The following TRIM9 variants were observed in gnomAD, a reference collection of about 807,000 sequenced individuals.
TRIM9 encodes the protein E3 ubiquitin-protein ligase TRIM9.
TRIM9 carries 26 observed loss-of-function variants against 78.3 expected under a neutral mutation model. That is an observed-to-expected ratio of 0.33 (90% confidence interval 0.24 to 0.46). The LOEUF (loss-of-function observed/expected upper bound fraction) is 0.46, where lower values mean the gene tolerates loss of function less well. Among genes scored for constraint, TRIM9 ranks in the 20% least tolerant of loss-of-function variants. The pLI is 1.00. For missense variants in TRIM9, 787 were observed against 1,036.4 expected (o/e 0.76, Z 3.30); for synonymous variants, 398 against 416.5 (o/e 0.96, Z 0.54).
chr14:51,007,803 A>G (rs1273839568), intron 5 of TRIM9, among the ~76,000 whole-genome samples: 1 of 59,526 alleles, frequency 1.7e-5, no homozygotes, highest in Non-Finnish European at 4.3e-5. Context: ...ATTAAACCAA[A>G]AAAAAAAAAA....
At chr14:51,012,214 A>G (rs144776219) in intron 3 of TRIM9, among the ~76,000 whole-genome samples, 1 of 152,304 alleles carries the variant, frequency 6.6e-6, no homozygotes, top group Non-Finnish European at 1.5e-5. Flanking sequence ...CTCTAAACCC[A>G]TTAAACAACA....
chr14:51,094,318 G>T lies in TRIM9; in HGVS notation c.622C>A (p.Arg208Ser). The part of the protein sequence containing the change: ...HPPRGPLAKH[R>S]LVPPAQGRVS... ...CGACCCTGGGCCGGGGGCACCAGGCGGTGCTTGGCTAGGGGCCCCCGGGGC... is the reference window on the plus strand; with the variant it reads ...CGACCCTGGGCCGGGGGCACCAGGCTGTGCTTGGCTAGGGGCCCCCGGGGC... The change falls in exon 1 of 13, where the codon CGC becomes AGC. Residue 208 changes from arginine to serine, a missense_variant. Arg to Ser is a moderately radical substitution (Grantham distance 110). Transcript: ENST00000684578. 1 of 1,613,644 alleles carries T rather than the reference G, an allele frequency of 6.2e-7. No individual in the cohort carries two copies. The highest frequency in any genetic ancestry group is 8.5e-7 in the Non-Finnish European group (1 of 1,179,810).
chr14:51,074,526 TG>T (rs2062583632), intron 1 of TRIM9, among the ~76,000 whole-genome samples: 1 of 152,202 alleles, frequency 6.6e-6, no homozygotes, highest in South Asian at 2.1e-4. Context: ...TTACCCATTT[TG>T]TTTTCACCTT....
chr14:51,022,553 A>G lies in TRIM9; in HGVS notation c.1041+282T>C, dbSNP rs767604777. On this transcript the variant is annotated intron_variant, in intron 3 of 12. Transcript: ENST00000684578. ...TATTATTTGTCCCTCTTGATAGAAT[A>G]TAAGTCCCATGAAGGCAAGAATTTT... 5.9e-5 allele frequency among the ~76,000 whole-genome samples: 9 copies of G among 152,240 alleles called. No homozygotes were observed. In the South Asian group the frequency reaches 6.2e-4, roughly 11 times the overall value.
intron 1 of TRIM9, among the ~76,000 whole-genome samples, chr14:51,080,919 A>G (rs1304908354): frequency 6.6e-6 from 1 of 152,162 alleles, no homozygotes; most frequent in Non-Finnish European, 1.5e-5. Flanking sequence ...GTCAAAGCCA[A>G]TCTAGATGGA....
intron 4 of TRIM9, among the ~76,000 whole-genome samples, chr14:51,009,697 C>G (rs936410127): frequency 2.6e-5 from 4 of 152,214 alleles, no homozygotes; most frequent in Non-Finnish European, 4.4e-5. Flanking sequence ...TTAAGCACAT[C>G]ATCTTCATGT....
chr14:50,977,343 T>C lies in TRIM9; in HGVS notation c.2336A>G (p.His779Arg). The C allele has an allele frequency of 1.3e-6, 2 of 1,548,858 alleles. No individual in the cohort carries two copies. Among genetic ancestry groups the C allele is most frequent in the Non-Finnish European group, 1.7e-6 (2 of 1,144,634 alleles). ...GAAGTCGGGGACTGGGAGCCCGGTG[T>C]GCAGCGTGACCTGGGGAATGAGACT... ...SLNRNVQVTL[H>R]TGLPVPDFYS... Residue 779 changes from histidine to arginine, a missense_variant, in exon 13 of 13, where the codon CAC (histidine) becomes CGC (arginine). By Grantham distance (29) the His-to-Arg change is conservative (BLOSUM62 0). Transcript: ENST00000684578.
chr14:50,992,873 G>C (rs2053701501), intron 7 of TRIM9, among the ~76,000 whole-genome samples: 1 of 152,174 alleles, frequency 6.6e-6, no homozygotes, highest in African/African-American at 2.4e-5. Context: ...GTAGTTTCAA[G>C]AATCCCAACC....
Position 51,000,776 on chromosome 14 carries a change from G to A in TRIM9, c.1371C>T (p.Ser457=), listed in dbSNP as rs544784389. The change falls in exon 6 of 13, where the codon AGC becomes AGT. Residue 457 remains serine, a synonymous_variant. Transcript: ENST00000684578. ...GTGGCTGTTTCCAGGACAACGTAGC[G>A]CTGTTGTTGTGGGTACAACATTCCT... is the stretch of plus-strand genomic sequence containing the variant. ...QLEECCTHNN[S]ATLSWKQPPL... is the part of the protein sequence containing the mutation. 9.3e-6 allele frequency: 15 copies of A among 1,614,228 alleles called. No individual in the cohort carries two copies. In the East Asian group the frequency reaches 1.8e-4, roughly 19 times the overall value.
At position 50,990,954 on chromosome 14, in the gene TRIM9, C is replaced by T. The variant is rs541448271; in HGVS notation, c.1604-4810G>A. Among the ~76,000 whole-genome samples the T allele has an allele frequency of 2.0e-5, 3 of 152,312 alleles. No individual in the cohort carries two copies. In the East Asian group the frequency reaches 5.8e-4, roughly 29 times the overall value. On this transcript the variant is annotated intron_variant, in intron 7 of 12. Transcript: ENST00000684578. ...CAGCCAAAGTCACAATTATGTCCAA[C>T]TGGTACATAATTTATAATAAAAGGT...
intron 1 of TRIM9, among the ~76,000 whole-genome samples, chr14:51,030,806 G>A (rs142656008): frequency 1.1e-3 from 167 of 152,214 alleles, no homozygotes; most frequent in African/African-American, 3.5e-3. Flanking sequence ...AATCTTATGG[G>A]TAGGGATTTG....
intron 1 of TRIM9, among the ~76,000 whole-genome samples, chr14:51,070,627 A>G (rs1157693925): frequency 6.6e-6 from 1 of 151,844 alleles, no homozygotes; most frequent in African/African-American, 2.4e-5. Flanking sequence ...TGAGTGTCAT[A>G]TTGGTGCTCA....
At chr14:51,007,183 A>G (rs530848897) in intron 5 of TRIM9, among the ~76,000 whole-genome samples, 29 of 152,272 alleles carry the variant, frequency 1.9e-4, no homozygotes, top group African/African-American at 5.5e-4. Flanking sequence ...CTCTTTCACC[A>G]AAAGCCTTTC....
At chr14:51,077,170 T>C (rs970888845) in intron 1 of TRIM9, among the ~76,000 whole-genome samples, 1 of 152,188 alleles carries the variant, frequency 6.6e-6, no homozygotes, top group Non-Finnish European at 1.5e-5. Context: ...ATGCTTGTCA[T>C]CCTTTGCAGT....
chr14:51,063,056 G>A (rs1294971167), intron 1 of TRIM9, among the ~76,000 whole-genome samples: 1 of 152,064 alleles, frequency 6.6e-6, no homozygotes, highest in Admixed American at 6.6e-5. Flanking sequence ...GGAATTAGCA[G>A]GGAAAGGCCT....
At chr14:51,076,184 T>C (rs2062766747) in intron 1 of TRIM9, among the ~76,000 whole-genome samples, 2 of 152,218 alleles carry the variant, frequency 1.3e-5, no homozygotes, top group South Asian at 4.1e-4. Context: ...GATAAATAAC[T>C]TACCAAAGAC....
intron 1 of TRIM9, among the ~76,000 whole-genome samples, chr14:51,077,345 G>C (rs556801918): frequency 6.8e-6 from 1 of 147,026 alleles, no homozygotes; most frequent in East Asian, 2.1e-4. Flanking sequence ...ACCATGAGCT[G>C]TCAAACTTAA....
intron 1 of TRIM9, among the ~76,000 whole-genome samples, chr14:51,080,349 A>C (rs1397035836): frequency 6.6e-6 from 1 of 151,964 alleles, no homozygotes; most frequent in Non-Finnish European, 1.5e-5. Context: ...GTAATGTGGA[A>C]TATAGAAAGA....
At chr14:51,008,168 T>C (rs1456316720) in intron 5 of TRIM9, among the ~76,000 whole-genome samples, 1 of 152,088 alleles carries the variant, frequency 6.6e-6, no homozygotes, top group East Asian at 1.9e-4. Flanking sequence ...GCTATGACTT[T>C]AAAGGGGTGG....
Sources: gnomAD v4.1 joint callset for allele counts (sites outside exome capture counted in the v4.1 genomes callset) on GRCh38, gnomAD v4.1.1 for gene constraint, MANE v1.5 for transcripts, NCBI Gene and HGNC (gene_info 2026-07-23, HGNC 2026-07-21) for gene names.